The following GASK1B variants were observed in gnomAD, a reference collection of about 807,000 sequenced individuals.
GASK1B encodes Golgi-associated kinase 1B.
GASK1B carries 34 observed loss-of-function variants against 42.8 expected under a neutral mutation model. The observed-to-expected ratio is 0.79, with a 90% CI of 0.60 to 1.06. The LOEUF (loss-of-function observed/expected upper bound fraction) is 1.06, where lower values mean the gene tolerates loss of function less well. GASK1B is among the 50% of genes least tolerant of loss of function. The pLI is 0.00. For missense variants in GASK1B, 686 were observed against 661.0 expected (o/e 1.04, Z -0.42); for synonymous variants, 262 against 259.1 (o/e 1.01, Z -0.11).
At chr4:158,161,225 C>T (rs1731986457) in intron 2 of GASK1B, among the ~76,000 whole-genome samples, 4 of 151,708 alleles carry the variant, frequency 2.6e-5, no homozygotes, top group Non-Finnish European at 4.4e-5. Context: ...TTTAATAATT[C>T]CACATTGTAA....
At position 158,125,856 on chromosome 4, in the gene GASK1B, T is replaced by C. The variant is rs1371092101; in HGVS notation, c.*1551A>G. On this transcript the variant is annotated 3_prime_UTR_variant, in exon 5 of 5. Transcript: ENST00000585682. Reference sequence around the variant, plus strand: ...TCTTCTCTTATACTTAAAACATTATTTTGACATTTTGTTCTACAATTGTAT... The same window carrying C: ...TCTTCTCTTATACTTAAAACATTATCTTGACATTTTGTTCTACAATTGTAT... 6.6e-6 allele frequency: 1 copy of C among 152,146 alleles called. No individual in the cohort carries two copies. Among genetic ancestry groups the C allele is most frequent in the Non-Finnish European group, 1.5e-5 (1 of 68,002 alleles). 9.4% of individuals were successfully genotyped at this position (152,146 alleles called of 1,614,324 possible). A position where few individuals can be genotyped will look rare whatever the true frequency, so the allele number is the denominator to read the frequency against.
intron 3 of GASK1B, among the ~76,000 whole-genome samples, chr4:158,136,856 A>C (rs1730911553): frequency 6.6e-6 from 1 of 152,234 alleles, no homozygotes; most frequent in African/African-American, 2.4e-5. Flanking sequence ...GGAATTTAAC[A>C]TTCACCATAG....
At chr4:158,142,585 C>T (rs1731178177) in intron 3 of GASK1B, among the ~76,000 whole-genome samples, 1 of 152,102 alleles carries the variant, frequency 6.6e-6, no homozygotes, top group African/African-American at 2.4e-5. Flanking sequence ...AATGAAGAAT[C>T]AATGATATAA....
intron 3 of GASK1B, among the ~76,000 whole-genome samples, chr4:158,144,829 T>C (rs1474286342): frequency 1.3e-5 from 2 of 152,242 alleles, no homozygotes; most frequent in Non-Finnish European, 2.9e-5. Flanking sequence ...TTCATTCGTT[T>C]GCTTGAACTT....
rs1480535845 is a variant in GASK1B, at chr4:158,165,441, C to T, written c.910+5025G>A. Among the ~76,000 whole-genome samples the T allele has an allele frequency of 3.9e-5, 6 of 152,058 alleles. No individual in the cohort carries two copies. In the East Asian group the frequency reaches 1.2e-3, roughly 29 times the overall value. On this transcript the variant is annotated intron_variant, in intron 2 of 4. Coordinates refer to ENST00000585682, the MANE Select transcript of GASK1B (RefSeq NM_001128424.2). ...CAATTTGGCAGAAAACAAATATGTT[C>T]ATCACATTGATACACATGTGATTGT...
intron 3 of GASK1B, among the ~76,000 whole-genome samples, chr4:158,136,100 A>T (rs1439318969): frequency 2.0e-5 from 3 of 152,214 alleles, no homozygotes; most frequent in Non-Finnish European, 2.9e-5. Flanking sequence ...GTAACTTTGC[A>T]TTATCTCATC....
chr4:158,157,044 G>A (rs1356123956), intron 2 of GASK1B, among the ~76,000 whole-genome samples: 3 of 151,630 alleles, frequency 2.0e-5, no homozygotes, highest in Non-Finnish European at 2.9e-5. Context: ...TCTTATCTCC[G>A]GTCTTTAACA....
At chr4:158,165,249 G>A (rs1354868193) in intron 2 of GASK1B, among the ~76,000 whole-genome samples, 2 of 152,184 alleles carry the variant, frequency 1.3e-5, no homozygotes, top group Non-Finnish European at 2.9e-5. Context: ...ACAGAACGGT[G>A]CTTGGTTTTC....
In GASK1B at chr4:158,130,660, C is replaced by T. The variant is rs1040296538; in HGVS notation, c.1352+126G>A. 5.1e-6 allele frequency: 4 copies of T among 788,142 alleles called. No individual in the cohort carries two copies. The Admixed American group carries it at 1.1e-4, about 22-fold the overall frequency. The allele number at this position is 788,142 out of a possible 1,614,324, so 48.8% of individuals were successfully genotyped here. A position where few individuals can be genotyped will look rare whatever the true frequency, so the allele number is the denominator to read the frequency against. ...GTTTCCTTTCTTGGGTCTCCATTCC[C>T]AGATTCCACATTCACAATTATTTTC... On this transcript the variant is annotated intron_variant, in intron 4 of 4. Transcript: ENST00000585682.
In GASK1B at chr4:158,170,901, C is replaced by G; in HGVS notation, c.475G>C (p.Ala159Pro). 1.2e-6 allele frequency: 2 copies of G among 1,614,248 alleles called. No homozygotes were observed. The highest frequency in any genetic ancestry group is 1.7e-6 in the Non-Finnish European group (2 of 1,180,052). Reference protein sequence around the residue: ...SLQPQEAAREADAVAPGYAQG... With the variant: ...SLQPQEAAREPDAVAPGYAQG... ...GCGTACCCAGGTGCTACAGCATCAG[C>G]TTCCCTTGCCGCTTCCTGCGGCTGA... Residue 159 changes from alanine (A) to proline (P), a missense_variant, in exon 2 of 5, where the codon GCT becomes CCT. Ala to Pro is a conservative substitution (Grantham distance 27). Transcript: ENST00000585682.
chr4:158,146,794 G>T (rs1186263289), intron 3 of GASK1B, among the ~76,000 whole-genome samples: 1 of 152,172 alleles, frequency 6.6e-6, no homozygotes, highest in Non-Finnish European at 1.5e-5. Flanking sequence ...AGAGAAGTTT[G>T]ACCAAATCTT....
At chr4:158,140,081 A>G (rs1330359755) in intron 3 of GASK1B, among the ~76,000 whole-genome samples, 3 of 152,248 alleles carry the variant, frequency 2.0e-5, no homozygotes, top group African/African-American at 7.2e-5. Context: ...GACCACCGGT[A>G]TAGTTTGGTG....
rs890184194 is a variant in GASK1B at position 158,141,941 on chromosome 4, T to C, written c.1126-10929A>G. Among the ~76,000 whole-genome samples, 4 of 9,112 alleles carry C rather than the reference T, an allele frequency of 4.4e-4. 1 individual carries two copies. Among genetic ancestry groups the C allele is most frequent in the African/African-American group, 9.8e-4 (4 of 4,086 alleles). The allele number at this position is 9,112 out of a possible 152,430, so 6.0% of individuals were successfully genotyped here. A position where few individuals can be genotyped will look rare whatever the true frequency, so the allele number is the denominator to read the frequency against. On this transcript the variant is annotated intron_variant, in intron 3 of 4. Transcript: ENST00000585682. Reference sequence around the variant, plus strand: ...GTTTCTTTTTTTTTTTTTTTTTTTTTTTTTTTTTTTTTTTGAGACGGAGTC... The same window carrying C: ...GTTTCTTTTTTTTTTTTTTTTTTTTCTTTTTTTTTTTTTTGAGACGGAGTC...
intron 3 of GASK1B, among the ~76,000 whole-genome samples, chr4:158,140,490 A>G (rs1731072153): frequency 6.6e-6 from 1 of 152,166 alleles, no homozygotes; most frequent in African/African-American, 2.4e-5. Context: ...AACCATATAC[A>G]TTGAGCCCAA....
chr4:158,158,850 G>A (rs55826152), intron 2 of GASK1B, among the ~76,000 whole-genome samples: 5,875 of 151,980 alleles, frequency 0.039, 145 homozygotes, highest in East Asian at 0.055. Flanking sequence ...TTTGATTTTT[G>A]TCAATCATTT....
chr4:158,153,130 T>G (rs911653227), intron 3 of GASK1B, among the ~76,000 whole-genome samples: 1 of 152,174 alleles, frequency 6.6e-6, no homozygotes, highest in Non-Finnish European at 1.5e-5. Context: ...CTTCTAGAAC[T>G]GATAAATGAC....
In GASK1B at chr4:158,137,844, T is replaced by C. The variant is rs547193508; in HGVS notation, c.1126-6832A>G. On this transcript the variant is annotated intron_variant, in intron 3 of 4. Transcript: ENST00000585682. ...CCTGTTAAATTAGTGAGCATGCATA[T>C]TTGACTTGAAGAGCAGTTGATGAAT... is the stretch of plus-strand genomic sequence containing the variant. Among the ~76,000 whole-genome samples the C allele has an allele frequency of 5.9e-5, 9 of 152,312 alleles. No homozygotes were observed. In the East Asian group the frequency reaches 1.3e-3, roughly 23 times the overall value.
chr4:158,138,701 C>T (rs967350376), intron 3 of GASK1B, among the ~76,000 whole-genome samples: 1 of 151,640 alleles, frequency 6.6e-6, no homozygotes, highest in African/African-American at 2.4e-5. Context: ...AGCTAAATGA[C>T]TATATTAAAA....
At chr4:158,135,194 A>G (rs4324593) in intron 3 of GASK1B, among the ~76,000 whole-genome samples, 136,971 of 151,366 alleles carry the variant, frequency 0.9, 62,617 homozygotes, top group East Asian at 0.97. Flanking sequence ...GGTGGCACAC[A>G]CCTGTAATCC....
Sources: allele counts gnomAD v4.1 joint callset (sites outside exome capture counted in the v4.1 genomes callset), GRCh38; gene constraint gnomAD v4.1.1; transcripts MANE v1.5; gene names NCBI Gene and HGNC (gene_info 2026-07-23, HGNC 2026-07-21).